Variants in NDUFA12 observed in about 807,000 individuals in gnomAD.
The protein encoded by NDUFA12 is NADH dehydrogenase [ubiquinone] 1 alpha subcomplex subunit 12.
NDUFA12 carries 17 observed loss-of-function variants against 20.3 expected under a neutral mutation model. That is an observed-to-expected ratio of 0.84 (90% CI 0.57 to 1.26). NDUFA12 has a LOEUF of 1.26. Among genes scored for constraint, NDUFA12 ranks in the 50% most tolerant of loss-of-function variants. The pLI is 0.00. For missense variants in NDUFA12, 191 were observed against 183.7 expected (o/e 1.04, Z -0.23); for synonymous variants, 72 against 63.6 (o/e 1.13, Z -0.63).
At chr12:94,981,390 G>T (rs1874235727) in intron 3 of NDUFA12, among the ~76,000 whole-genome samples, 1 of 152,214 alleles carries the variant, frequency 6.6e-6, no homozygotes, top group Non-Finnish European at 1.5e-5. Context: ...CGAGGCTGCA[G>T]TAAGCCAAGA....
At chr12:94,997,533 A>AT (rs967421868) in intron 2 of NDUFA12, 1 of 152,240 alleles carries the variant, frequency 6.6e-6, no homozygotes, top group South Asian at 2.1e-4. Context: ...TCAAGAGAGT[A>AT]TTTTTTTATT....
intron 3 of NDUFA12, among the ~76,000 whole-genome samples, chr12:94,984,163 G>A (rs988822236): frequency 1.3e-5 from 2 of 152,094 alleles, no homozygotes; most frequent in Admixed American, 6.5e-5. Context: ...AAACTGGAGT[G>A]TAAACTGTAG....
chr12:94,982,118 T>C (rs1004706325), intron 3 of NDUFA12, among the ~76,000 whole-genome samples: 1 of 152,190 alleles, frequency 6.6e-6, no homozygotes, highest in African/African-American at 2.4e-5. Context: ...AAGACTATCA[T>C]AGGCCACACT....
intron 2 of NDUFA12, among the ~76,000 whole-genome samples, chr12:94,998,823 G>T (rs1013004224): frequency 6.6e-6 from 1 of 152,120 alleles, no homozygotes; most frequent in Non-Finnish European, 1.5e-5. Flanking sequence ...ACTGCTGAAA[G>T]AAATCATAGA....
At chr12:94,980,942 C>CA (rs1351126566) in intron 3 of NDUFA12, among the ~76,000 whole-genome samples, 1 of 151,890 alleles carries the variant, frequency 6.6e-6, no homozygotes, top group Non-Finnish European at 1.5e-5. Context: ...TGAAATAGCC[C>CA]AAACTTTCTA....
intron 3 of NDUFA12, among the ~76,000 whole-genome samples, chr12:94,990,377 C>A (rs1048908783): frequency 9.2e-5 from 14 of 152,142 alleles, no homozygotes; most frequent in Non-Finnish European, 1.8e-4. Context: ...AATGATGTAG[C>A]ATGAGAAAGC....
chr12:94,997,016 T>C (rs1186662763), intron 2 of NDUFA12: 2 of 331,562 alleles, frequency 6.0e-6, no homozygotes, highest in Non-Finnish European at 1.2e-5. Context: ...TTAAAATCTA[T>C]TCTAGGTCTA....
At chr12:94,986,129 T>G (rs1874431352) in intron 3 of NDUFA12, among the ~76,000 whole-genome samples, 2 of 150,296 alleles carry the variant, frequency 1.3e-5, no homozygotes, top group African/African-American at 5.0e-5. Flanking sequence ...TAGTCTCAGC[T>G]ACTCAGGAGG....
intron 2 of NDUFA12, among the ~76,000 whole-genome samples, chr12:95,000,752 T>C (rs939805420): frequency 2.6e-5 from 4 of 152,246 alleles, no homozygotes; most frequent in Non-Finnish European, 4.4e-5. Flanking sequence ...ACAAAAAGCA[T>C]GTATTTTCTC....
intron 3 of NDUFA12, among the ~76,000 whole-genome samples, chr12:94,985,626 C>CA (rs35674364): frequency 0.12 from 5,038 of 43,222 alleles, 562 homozygotes; most frequent in Middle Eastern, 0.2. Context: ...GACTCCATCT[C>CA]AAAAAAAAAA....
intron 3 of NDUFA12, among the ~76,000 whole-genome samples, chr12:94,987,791 CAAAAAAAAAAAA>C (rs61711763): frequency 5.8e-5 from 4 of 69,346 alleles, no homozygotes; most frequent in East Asian, 4.3e-4. Flanking sequence ...GACATTGTCT[CAAAAAAAAAAAA>C]AAAAAAAAAA....
intron 3 of NDUFA12, among the ~76,000 whole-genome samples, chr12:94,993,015 G>A (rs11107847): frequency 0.32 from 48,270 of 152,050 alleles, 8,064 homozygotes; most frequent in East Asian, 0.42. Context: ...GCTTTATAGA[G>A]AGATATTCAA....
chr12:94,980,203 T>C (rs1427584963), intron 3 of NDUFA12, among the ~76,000 whole-genome samples: 1 of 152,202 alleles, frequency 6.6e-6, no homozygotes, highest in East Asian at 1.9e-4. Context: ...ACTTGATATA[T>C]ATCTAATCAT....
chr12:94,994,433 G>C (rs1051872940), intron 2 of NDUFA12, 176 bp from the exon 3 acceptor site: 3 of 578,350 alleles, frequency 5.2e-6, no homozygotes, highest in Non-Finnish European at 9.2e-6. Flanking sequence ...CAGGAGGTGT[G>C]TGGCAAACTT....
At position 94,995,823 on chromosome 12, in the gene NDUFA12, C is replaced by T. The variant is rs566611743; in HGVS notation, c.170-1566G>A. On this transcript the variant is annotated intron_variant, in intron 2 of 3. Transcript: ENST00000327772. ...AGTCAAAAGCAATCTATGTGTCTAT[C>T]GATAGTAACAGGATTGAAGAAATAA... is the stretch of plus-strand genomic sequence containing the variant. Among the ~76,000 whole-genome samples the T allele has an allele frequency of 2.0e-5, 3 of 152,054 alleles. No individual in the cohort carries two copies. The East Asian group carries it at 5.8e-4, about 29-fold the overall frequency.
intron 3 of NDUFA12, among the ~76,000 whole-genome samples, chr12:94,985,883 G>T (rs1449825826): frequency 2.0e-5 from 3 of 151,918 alleles, no homozygotes; most frequent in Admixed American, 2.0e-4. Flanking sequence ...TCAGGAATTT[G>T]AGACCAGCCT....
chr12:94,991,923 A>C (rs1874660477), intron 3 of NDUFA12, among the ~76,000 whole-genome samples: 1 of 152,166 alleles, frequency 6.6e-6, no homozygotes, highest in South Asian at 2.1e-4. Flanking sequence ...CTATTGTTTC[A>C]TAGCTGCACT....
chr12:94,994,287 A>G (rs776615881), intron 2 of NDUFA12, 30 bp from the exon 3 acceptor site: 1 of 1,595,156 alleles, frequency 6.3e-7, no homozygotes, highest in Non-Finnish European at 8.6e-7. Context: ...TTTAAAAAGA[A>G]AAACTTTTTT....
intron 3 of NDUFA12, among the ~76,000 whole-genome samples, chr12:94,979,711 T>C (rs958822119): frequency 6.6e-6 from 1 of 151,802 alleles, no homozygotes; most frequent in Non-Finnish European, 1.5e-5. Flanking sequence ...TCATGGGACC[T>C]GTAATCCCAG....
Sources: allele counts gnomAD v4.1 joint callset (sites outside exome capture counted in the v4.1 genomes callset), GRCh38; gene constraint gnomAD v4.1.1; transcripts MANE v1.5; gene names NCBI Gene and HGNC (gene_info 2026-07-23, HGNC 2026-07-21).